Variants in VTI1A observed in about 807,000 individuals in gnomAD.
The protein encoded by VTI1A is vesicle transport through interaction with t-SNAREs homolog 1A.
VTI1A carries 22 observed loss-of-function variants against 34.9 expected under a neutral mutation model. That is an observed-to-expected ratio of 0.63 (90% CI 0.45 to 0.90). The LOEUF is 0.90. Ranked by LOEUF, VTI1A falls within the 40% of genes least tolerant of loss-of-function variation. The pLI, the probability that VTI1A is intolerant of heterozygous loss-of-function variation, is 0.00. For missense variants in VTI1A, 268 were observed against 275.6 expected (o/e 0.97, Z 0.20); for synonymous variants, 87 against 97.3 (o/e 0.89, Z 0.62).
the VTI1A span, among the ~76,000 whole-genome samples, chr10:112,828,500 G>T: frequency 1.3e-4 from 20 of 152,086 alleles, no homozygotes; most frequent in East Asian, 3.9e-4. Flanking sequence ...CCACCTCCTG[G>T]GTTCACGCAA....
intron 5 of VTI1A, among the ~76,000 whole-genome samples, chr10:112,552,296 A>T (rs991228093): frequency 6.6e-6 from 1 of 152,192 alleles, no homozygotes; most frequent in East Asian, 1.9e-4. Flanking sequence ...ATATGTATTA[A>T]GTTTTATTTG....
At chr10:112,618,079 G>A (rs1015247028) in intron 5 of VTI1A, among the ~76,000 whole-genome samples, 20 of 152,032 alleles carry the variant, frequency 1.3e-4, no homozygotes, top group Middle Eastern at 3.2e-3. Context: ...ACTTGAACCC[G>A]GGAGGCGGAG....
chr10:112,625,566 G>A (rs1845888654), intron 5 of VTI1A, among the ~76,000 whole-genome samples: 1 of 145,500 alleles, frequency 6.9e-6, no homozygotes, highest in Admixed American at 7.3e-5. Context: ...CTTGAACCTG[G>A]GAGGCAGAGG....
At chr10:112,628,678 C>G (rs1846012657) in intron 5 of VTI1A, among the ~76,000 whole-genome samples, 3 of 152,116 alleles carry the variant, frequency 2.0e-5, no homozygotes, top group African/African-American at 7.2e-5. Context: ...ATTGGATCAT[C>G]CATTTAATCT....
At chr10:112,636,201 A>G (rs1477359934) in intron 5 of VTI1A, among the ~76,000 whole-genome samples, 2 of 152,224 alleles carry the variant, frequency 1.3e-5, no homozygotes, top group Admixed American at 6.5e-5. Flanking sequence ...CTCTTTCACT[A>G]CAAACTTTGC....
chr10:112,791,202 T>G (rs1404384719), intron 7 of VTI1A, among the ~76,000 whole-genome samples: 1 of 152,206 alleles, frequency 6.6e-6, no homozygotes, highest in African/African-American at 2.4e-5. Context: ...ATCAGGTTGT[T>G]TCACTTTCAT....
At chr10:112,736,852 C>G in intron 7 of VTI1A, 1 of 951,654 alleles carries the variant, frequency 1.1e-6, no homozygotes, top group Non-Finnish European at 1.7e-6. Context: ...AAGAGCTGCC[C>G]TGGACGGAAA....
In VTI1A at chr10:112,789,199, T is replaced by C. The variant is rs367651684; in HGVS notation, c.561-26091T>C. Among the ~76,000 whole-genome samples the C allele has an allele frequency of 1.4e-4, 21 of 151,776 alleles. 1 individual carries two copies. In the East Asian group the frequency reaches 4.1e-3, roughly 29 times the overall value. ...TAATTTCTTTCAGCCTGAAGGACTT[T>C]ATTTAGTATTTCTTGTACAGCAAGT... On this transcript the variant is annotated intron_variant, in intron 7 of 7. Transcript: ENST00000393077.
chr10:112,745,275 C>T (rs1345820135), intron 7 of VTI1A, among the ~76,000 whole-genome samples: 1 of 151,730 alleles, frequency 6.6e-6, no homozygotes, highest in Non-Finnish European at 1.5e-5. Context: ...GCTTCTTTGG[C>T]TCTGTGGTTC....
At chr10:112,454,170 C>T (rs1254451466) in intron 1 of VTI1A, among the ~76,000 whole-genome samples, 1 of 152,190 alleles carries the variant, frequency 6.6e-6, no homozygotes, top group African/African-American at 2.4e-5. Context: ...ATTTCTGCTG[C>T]TAGTTTTATT....
chr10:112,838,600 A>G, the VTI1A span, among the ~76,000 whole-genome samples: 2 of 152,036 alleles, frequency 1.3e-5, no homozygotes, highest in Non-Finnish European at 2.9e-5. Flanking sequence ...GCAGGACGGG[A>G]AGGAACTCAG....
At chr10:112,537,247 A>G (rs939022667) in intron 4 of VTI1A, among the ~76,000 whole-genome samples, 1 of 149,076 alleles carries the variant, frequency 6.7e-6, no homozygotes, top group Non-Finnish European at 1.5e-5. Flanking sequence ...AGATACATGT[A>G]TGCATGTACA....
chr10:112,601,375 T>A (rs893053592), intron 5 of VTI1A, among the ~76,000 whole-genome samples: 73 of 152,060 alleles, frequency 4.8e-4, no homozygotes, highest in African/African-American at 1.7e-3. Flanking sequence ...TAAACAATTT[T>A]GCTAATATTA....
rs1853593727 is a variant in VTI1A, at chr10:112,818,735, T to C, written c.*3352T>C. The C allele has an allele frequency of 5.1e-6, 1 of 194,722 alleles. No homozygotes were observed. 12.1% of individuals were successfully genotyped at this position (194,722 alleles called of 1,614,324 possible). A position where few individuals can be genotyped will look rare whatever the true frequency, so the allele number is the denominator to read the frequency against. On this transcript the variant is annotated 3_prime_UTR_variant, in exon 8 of 8. Transcript: ENST00000393077. ...TTAACAAATTGCATTAAACAACTGTTAAGGGCTAATGATTTGTTTATCGCT... is the reference window on the plus strand; with the variant it reads ...TTAACAAATTGCATTAAACAACTGTCAAGGGCTAATGATTTGTTTATCGCT...
chr10:112,785,851 C>A (rs1852271452), intron 7 of VTI1A, among the ~76,000 whole-genome samples: 1 of 152,194 alleles, frequency 6.6e-6, no homozygotes, highest in Non-Finnish European at 1.5e-5. Context: ...CCAGACTACA[C>A]CGTCTTGATT....
intron 7 of VTI1A, among the ~76,000 whole-genome samples, chr10:112,695,619 A>C (rs1361043378): frequency 6.6e-6 from 1 of 152,134 alleles, no homozygotes. Flanking sequence ...TCCTTCTTAC[A>C]CTGGAATCTC....
chr10:112,835,104 A>G, the VTI1A span, among the ~76,000 whole-genome samples: 1 of 152,176 alleles, frequency 6.6e-6, no homozygotes, highest in South Asian at 2.1e-4. Flanking sequence ...CTCGACTGAC[A>G]TAAATCTCAT....
rs77297414 is a variant in VTI1A, at chr10:112,499,808, C to T, written c.265-27279C>T. 4.9e-3 allele frequency among the ~76,000 whole-genome samples: 741 copies of T among 152,298 alleles called. 6 individuals carry two copies. Among genetic ancestry groups the T allele is most frequent in the African/African-American group, 0.017 (692 of 41,556 alleles). ...CTTTGCCTTACCCTCACCCCCACTA[C>T]GTCTCATGGATTCCACCTCTAGAAT... On this transcript the variant is annotated intron_variant, in intron 3 of 7. Transcript: ENST00000393077.
chr10:112,483,567 G>T (rs1848520143), intron 3 of VTI1A, among the ~76,000 whole-genome samples: 1 of 152,122 alleles, frequency 6.6e-6, no homozygotes, highest in African/African-American at 2.4e-5. Context: ...TGAAATTTGG[G>T]CCTGAATAAT....
Sources: allele counts gnomAD v4.1 joint callset (sites outside exome capture counted in the v4.1 genomes callset), GRCh38; gene constraint gnomAD v4.1.1; transcripts MANE v1.5; gene names NCBI Gene and HGNC (gene_info 2026-07-23, HGNC 2026-07-21).